The following RANBP2 variants were observed in gnomAD, a reference collection of about 807,000 sequenced individuals.
RANBP2 encodes E3 SUMO-protein ligase RanBP2.
Under a neutral mutation model 303.6 loss-of-function variants are expected in RANBP2, and 57 were observed. That is an observed-to-expected ratio of 0.19 (90% CI 0.15 to 0.23). The LOEUF is 0.23. Among genes scored for constraint, RANBP2 ranks in the 10% least tolerant of loss-of-function variants. RANBP2 has a pLI of 1.00. For missense variants in RANBP2, 3,138 were observed against 3,780.8 expected, an observed-to-expected ratio of 0.83 and a Z score of 4.46; for synonymous variants, 1,167 against 1,301.5, an observed-to-expected ratio of 0.90 and a Z score of 2.23.
chr2:109,462,664 T>C, the RANBP2 span, among the ~76,000 whole-genome samples: 1 of 152,248 alleles, frequency 6.6e-6, no homozygotes, highest in Non-Finnish European at 1.5e-5. Flanking sequence ...CTGGCCTTTC[T>C]TGCATAACAG....
chr2:109,498,150 C>G, the RANBP2 span, among the ~76,000 whole-genome samples: 1 of 152,328 alleles, frequency 6.6e-6, no homozygotes, highest in African/African-American at 2.4e-5. Context: ...CGCCTGCCCT[C>G]CTTCCTTCCC....
chr2:109,439,383 C>T, the RANBP2 span, among the ~76,000 whole-genome samples: 2 of 152,128 alleles, frequency 1.3e-5, no homozygotes, highest in African/African-American at 2.4e-5. Context: ...AATTAAATGC[C>T]ACTGAGTTCC....
chr2:109,288,451 A>G, the RANBP2 span, among the ~76,000 whole-genome samples: 1 of 152,218 alleles, frequency 6.6e-6, no homozygotes, highest in African/African-American at 2.4e-5. Context: ...TAAAGCCAGA[A>G]AGTATGAGAG....
chr2:109,076,649 A>G, the RANBP2 span, among the ~76,000 whole-genome samples: 2 of 150,636 alleles, frequency 1.3e-5, no homozygotes, highest in African/African-American at 4.8e-5. Context: ...CTCATTTACA[A>G]TAGCATAAAA....
At chr2:109,333,019 G>A in the RANBP2 span, among the ~76,000 whole-genome samples, 300 of 152,318 alleles carry the variant, frequency 2.0e-3, no homozygotes, top group African/African-American at 7.0e-3. Flanking sequence ...ATTCGTCTTC[G>A]GCAGCCTGGG....
At chr2:109,037,602 G>T in the RANBP2 span, among the ~76,000 whole-genome samples, 1 of 152,126 alleles carries the variant, frequency 6.6e-6, no homozygotes, top group African/African-American at 2.4e-5. Context: ...TGTAAAGTCG[G>T]CAAGGTAGCA....
At chr2:109,070,370 G>A in the RANBP2 span, among the ~76,000 whole-genome samples, 1 of 152,220 alleles carries the variant, frequency 6.6e-6, no homozygotes, top group East Asian at 1.9e-4. Flanking sequence ...TGAGAGAATG[G>A]ATTATAGTGG....
At chr2:109,043,424 C>G in the RANBP2 span, among the ~76,000 whole-genome samples, 1 of 151,996 alleles carries the variant, frequency 6.6e-6, no homozygotes, top group Non-Finnish European at 1.5e-5. Context: ...CTCACTGCAA[C>G]CTCCGCCTCC....
At chr2:109,027,731 A>G in the RANBP2 span, among the ~76,000 whole-genome samples, 1 of 121,964 alleles carries the variant, frequency 8.2e-6, no homozygotes, top group African/African-American at 3.1e-5. Context: ...CCTAGAGTTG[A>G]TGAGGGCCTG....
At chr2:109,615,147 G>A in the RANBP2 span, 11 of 1,549,396 alleles carry the variant, frequency 7.1e-6, no homozygotes, top group African/African-American at 1.4e-4. Flanking sequence ...GAAGAGGAGC[G>A]TGTGTCCCGG....
the RANBP2 span, among the ~76,000 whole-genome samples, chr2:109,157,458 A>G: frequency 1.3e-5 from 2 of 152,396 alleles, no homozygotes; most frequent in South Asian, 4.1e-4. Context: ...ATCTGTAAAA[A>G]TAAAATATCT....
chr2:109,524,459 A>C, the RANBP2 span, among the ~76,000 whole-genome samples: 15 of 67,352 alleles, frequency 2.2e-4, no homozygotes, highest in Admixed American at 8.4e-4. Context: ...AAAAAAAAAA[A>C]AAAAAAACAA....
intron 4 of RANBP2, 123 bp downstream of exon 4, chr2:108,731,597 C>T (rs1695173826): frequency 6.4e-7 from 1 of 1,554,716 alleles, no homozygotes; most frequent in Non-Finnish European, 8.7e-7. Flanking sequence ...TAAAAATTTT[C>T]TTTTAAAAAG....
At chr2:108,872,682 G>A in the RANBP2 span, among the ~76,000 whole-genome samples, 21 of 152,064 alleles carry the variant, frequency 1.4e-4, no homozygotes, top group Non-Finnish European at 1.9e-4. Context: ...AGCAAGAGGG[G>A]GCTGCACTCA....
chr2:109,577,435 A>C, the RANBP2 span, among the ~76,000 whole-genome samples: 1 of 151,634 alleles, frequency 6.6e-6, no homozygotes, highest in African/African-American at 2.4e-5. Context: ...CTCTGCAAAA[A>C]CACAAAAATT....
the RANBP2 span, among the ~76,000 whole-genome samples, chr2:109,376,531 A>G: frequency 1.3e-5 from 2 of 152,210 alleles, no homozygotes; most frequent in African/African-American, 4.8e-5. Context: ...TCGTGATCCA[A>G]AAATAGTTCA....
chr2:109,277,296 C>T, the RANBP2 span, among the ~76,000 whole-genome samples: 1 of 152,190 alleles, frequency 6.6e-6, no homozygotes, highest in Admixed American at 6.5e-5. Context: ...ATCAGGATCA[C>T]TGAGGTTTGC....
chr2:109,033,897 A>T, the RANBP2 span, among the ~76,000 whole-genome samples: 1 of 148,662 alleles, frequency 6.7e-6, no homozygotes. Flanking sequence ...CAGAGGCTGC[A>T]GTGAGCCGAG....
chr2:109,193,568 G>A, the RANBP2 span, among the ~76,000 whole-genome samples: 2 of 152,126 alleles, frequency 1.3e-5, no homozygotes, highest in African/African-American at 2.4e-5. Flanking sequence ...GCTCACCCAT[G>A]TGGTATGTGC....
Sources: gnomAD v4.1 joint callset for allele counts (sites outside exome capture counted in the v4.1 genomes callset) on GRCh38, gnomAD v4.1.1 for gene constraint, MANE v1.5 for transcripts, NCBI Gene and HGNC (gene_info 2026-07-23, HGNC 2026-07-21) for gene names.